The following SNCAIP variants were observed in gnomAD, a reference collection of about 807,000 sequenced individuals.
The protein encoded by SNCAIP is synuclein alpha interacting protein.
SNCAIP carries 43 observed loss-of-function variants against 86.7 expected under a neutral mutation model. The observed-to-expected ratio is 0.50, with a 90% CI of 0.39 to 0.64. SNCAIP has a LOEUF of 0.64. Ranked by LOEUF, SNCAIP falls within the 30% of genes least tolerant of loss-of-function variation. The pLI is 0.00. For synonymous variants in SNCAIP, 417 were observed against 427.2 expected, an observed-to-expected ratio of 0.98 and a Z score of 0.29; for missense variants, 981 against 1,103.1, an observed-to-expected ratio of 0.89 and a Z score of 1.57.
intron 1 of SNCAIP, among the ~76,000 whole-genome samples, chr5:122,320,359 G>A (rs1231628983): frequency 6.6e-6 from 1 of 152,158 alleles, no homozygotes; most frequent in Non-Finnish European, 1.5e-5. Context: ...CTCTTCCACA[G>A]TATTTATTGA....
intron 1 of SNCAIP, chr5:122,323,499 C>T (rs1219924676): frequency 6.6e-6 from 1 of 152,186 alleles, no homozygotes; most frequent in Non-Finnish European, 1.5e-5. Flanking sequence ...AAATGCATTT[C>T]ATGCCGTGGA....
rs186789119 is a variant in SNCAIP, at chr5:122,448,811, T to C, written c.1593-1034T>C. Among the ~76,000 whole-genome samples, 9 of 149,074 alleles carry C rather than the reference T, an allele frequency of 6.0e-5. No individual in the cohort carries two copies. The East Asian group carries it at 1.6e-3, about 26-fold the overall frequency. ...AAAATGAGATTACAAGGTCAGGAGA[T>C]CGAGACCATCCCGACTAACAAGGTG... On this transcript the variant is annotated intron_variant, in intron 8 of 10. Transcript: ENST00000261368.
Position 122,444,626 on chromosome 5 carries a change from A to G in SNCAIP, c.1486A>G (p.Ser496Gly), listed in dbSNP as rs1473830257. 6 of 1,614,008 alleles carry G rather than the reference A, an allele frequency of 3.7e-6. No individual in the cohort carries two copies. The highest frequency in any genetic ancestry group is 2.7e-5 in the African/African-American group (2 of 74,922). The change falls in exon 8 of 11, where the codon AGC (serine) becomes GGC (glycine). Residue 496 changes from serine to glycine, a missense_variant. Coordinates refer to ENST00000261368, the MANE Select transcript of SNCAIP (RefSeq NM_005460.4). Reference sequence around the variant, plus strand: ...CCACGCTGGGGAAAAGCCCTCCCAGAGCGCCGAGCGGCAGGGGCACACCCT... The same window carrying G: ...CCACGCTGGGGAAAAGCCCTCCCAGGGCGCCGAGCGGCAGGGGCACACCCT... ...QNHAGEKPSQ[S>G]AERQGHTLCS...
intron 1 of SNCAIP, among the ~76,000 whole-genome samples, chr5:122,331,571 GAAA>G (rs1323196076): frequency 2.6e-5 from 4 of 152,128 alleles, no homozygotes; most frequent in African/African-American, 9.7e-5. Flanking sequence ...GTAAATAACA[GAAA>G]ATTATTTCTC....
At chr5:122,384,822 T>G (rs1404299143) in intron 1 of SNCAIP, among the ~76,000 whole-genome samples, 1 of 152,222 alleles carries the variant, frequency 6.6e-6, no homozygotes, top group Non-Finnish European at 1.5e-5. Flanking sequence ...ATGTGCTCTG[T>G]GTTCACTCTG....
At chr5:122,356,278 C>T (rs1761002059) in intron 1 of SNCAIP, among the ~76,000 whole-genome samples, 1 of 151,702 alleles carries the variant, frequency 6.6e-6, no homozygotes, top group African/African-American at 2.4e-5. Context: ...AAGTGCCTGC[C>T]ACCATACCTG....
At chr5:122,382,371 G>C (rs1224473201) in intron 1 of SNCAIP, among the ~76,000 whole-genome samples, 2 of 152,020 alleles carry the variant, frequency 1.3e-5, no homozygotes, top group Non-Finnish European at 2.9e-5. Context: ...CGTAATTCTC[G>C]AGCCTTGGTT....
In SNCAIP at chr5:122,392,036, G is replaced by C. The variant is rs144513917; in HGVS notation, c.57+845G>C. Among the ~76,000 whole-genome samples the C allele has an allele frequency of 1.5e-3, 229 of 152,202 alleles. 2 individuals are homozygous for C. Among genetic ancestry groups the C allele is most frequent in the African/African-American group, 5.1e-3 (212 of 41,516 alleles). On this transcript the variant is annotated intron_variant, in intron 2 of 10. Coordinates refer to ENST00000261368, the MANE Select transcript of SNCAIP (RefSeq NM_005460.4). The stretch of plus-strand genomic sequence containing the variant: ...ACAACTTCTAACCTTATCTTCCATG[G>C]ATCTCTCAGGGCCTGGAGCTATGGG...
At position 122,434,495 on chromosome 5, in the gene SNCAIP, G is replaced by A. The variant is rs550968188; in HGVS notation, c.1296+2413G>A. On this transcript the variant is annotated intron_variant, in intron 6 of 10. Coordinates refer to ENST00000261368, the MANE Select transcript of SNCAIP (RefSeq NM_005460.4). ...GGGTCACAGTGTGACTTACTTGGTGGGACTAGAGGAAAATATGGAAATTGG... is the reference window on the plus strand; with the variant it reads ...GGGTCACAGTGTGACTTACTTGGTGAGACTAGAGGAAAATATGGAAATTGG... Among the ~76,000 whole-genome samples the A allele has an allele frequency of 1.3e-3, 197 of 152,226 alleles. 1 individual carries two copies. Among genetic ancestry groups the A allele is most frequent in the Admixed American group, 2.5e-3 (38 of 15,286 alleles).
chr5:122,376,423 T>C (rs948270109), intron 1 of SNCAIP, among the ~76,000 whole-genome samples: 1 of 152,194 alleles, frequency 6.6e-6, no homozygotes, highest in Non-Finnish European at 1.5e-5. Flanking sequence ...CATAACTGAG[T>C]AAGGGCTCCA....
intron 10 of SNCAIP, among the ~76,000 whole-genome samples, chr5:122,452,431 C>T (rs1213961272): frequency 6.6e-6 from 1 of 152,168 alleles, no homozygotes; most frequent in Admixed American, 6.5e-5. Context: ...ATAAACCACC[C>T]AGTGGAGCTG....
At position 122,382,917 on chromosome 5, in the gene SNCAIP, G is replaced by A. The variant is rs1043951554; in HGVS notation, c.-46-8172G>A. On this transcript the variant is annotated intron_variant, in intron 1 of 10. Transcript: ENST00000261368. ...TGCCCGTTCTCAGATCTCCAGCTGC[G>A]TGCTGGGAGAACCACTGCTCTCTTC... Among the ~76,000 whole-genome samples the A allele has an allele frequency of 5.9e-3, 895 of 152,274 alleles. 25 individuals carry two copies. The highest frequency in any genetic ancestry group is 0.047 in the Admixed American group (722 of 15,296).
chr5:122,341,018 T>A (rs560090378), intron 1 of SNCAIP, among the ~76,000 whole-genome samples: 95 of 152,320 alleles, frequency 6.2e-4, no homozygotes, highest in African/African-American at 2.2e-3. Context: ...GGAAAATGTT[T>A]TTTAATGCAT....
chr5:122,407,220 G>A (rs1429564732), intron 3 of SNCAIP, among the ~76,000 whole-genome samples: 1 of 152,178 alleles, frequency 6.6e-6, no homozygotes, highest in Non-Finnish European at 1.5e-5. Flanking sequence ...GCTGGGGAGG[G>A]AGGGAGGTCT....
intron 1 of SNCAIP, among the ~76,000 whole-genome samples, chr5:122,331,013 C>T (rs1392581837): frequency 6.6e-6 from 1 of 151,906 alleles, no homozygotes; most frequent in Admixed American, 6.6e-5. Flanking sequence ...ATGTGCAGTT[C>T]GCAATAGGAT....
rs1227285901 is a variant in SNCAIP, at chr5:122,440,620, T to C, written c.1297-9T>C. The C allele has an allele frequency of 2.0e-5, 32 of 1,612,964 alleles. No homozygotes were observed. Among genetic ancestry groups the C allele is most frequent in the Non-Finnish European group, 2.6e-5 (31 of 1,179,056 alleles). The stretch of plus-strand genomic sequence containing the variant: ...ATTACATGAATTCCAACTGTCTTTG[T>C]GTTTATAGGAAAAGATTCTTCTGTG... On this transcript the variant is annotated splice_polypyrimidine_tract_variant and intron_variant, in intron 6 of 10. Coordinates refer to ENST00000261368, the MANE Select transcript of SNCAIP (RefSeq NM_005460.4).
intron 3 of SNCAIP, among the ~76,000 whole-genome samples, chr5:122,417,866 A>AG (rs1775629940): frequency 6.6e-6 from 1 of 152,182 alleles, no homozygotes. Flanking sequence ...TTTGCCCTTG[A>AG]GGGGTTCTCA....
chr5:122,398,104 A>G (rs878967332), intron 2 of SNCAIP, among the ~76,000 whole-genome samples: 1 of 152,140 alleles, frequency 6.6e-6, no homozygotes, highest in African/African-American at 2.4e-5. Context: ...CACAGAGACA[A>G]TTCTTTCAAA....
intron 3 of SNCAIP, among the ~76,000 whole-genome samples, chr5:122,405,409 T>C (rs1238697110): frequency 3.3e-5 from 5 of 152,196 alleles, no homozygotes; most frequent in African/African-American, 1.2e-4. Context: ...GGGCTTAATG[T>C]GCTGGGTACT....
Sources: allele counts gnomAD v4.1 joint callset (sites outside exome capture counted in the v4.1 genomes callset), GRCh38; gene constraint gnomAD v4.1.1; transcripts MANE v1.5; gene names NCBI Gene and HGNC (gene_info 2026-07-23, HGNC 2026-07-21).